Variants in PLXDC2 observed in about 807,000 individuals in gnomAD.
PLXDC2 encodes plexin domain containing 2, also known as plexin domain-containing protein 2.
In PLXDC2, 40 loss-of-function variants were observed where a neutral mutation model predicts 68.9. The observed-to-expected ratio is 0.58, with a 90% CI of 0.45 to 0.76. PLXDC2 has a LOEUF of 0.76. Among genes scored for constraint, PLXDC2 ranks in the 30% least tolerant of loss-of-function variants. The probability of loss-of-function intolerance (pLI) is 0.00; values close to 1 mark genes in which losing one functional copy is unlikely to be tolerated. For synonymous variants in PLXDC2, 243 were observed against 234.2 expected (o/e 1.04, Z -0.34); for missense variants, 644 against 661.9 (o/e 0.97, Z 0.30).
At chr10:19,986,546 AAC>A (rs1206599079) in intron 1 of PLXDC2, among the ~76,000 whole-genome samples, 32 of 123,556 alleles carry the variant, frequency 2.6e-4, no homozygotes, top group Middle Eastern at 4.4e-3. Context: ...TTAAAAAAAA[AAC>A]AAAGAAAAAG....
intron 6 of PLXDC2, among the ~76,000 whole-genome samples, chr10:20,150,367 T>G (rs1361683243): frequency 6.6e-6 from 1 of 152,160 alleles, no homozygotes; most frequent in African/African-American, 2.4e-5. Context: ...CTGGTGAGGT[T>G]GTGGAGAAAA....
Position 20,282,095 on chromosome 10 carries a change from G to T in PLXDC2, c.*2276G>T, listed in dbSNP as rs1041549. The T allele has an allele frequency of 3.9e-5, 6 of 152,082 alleles. No homozygotes were observed. The South Asian group carries it at 8.3e-4, about 21-fold the overall frequency. The allele number at this position is 152,082 out of a possible 1,614,324, so 9.4% of individuals were successfully genotyped here. A position where few individuals can be genotyped will look rare whatever the true frequency, so the allele number is the denominator to read the frequency against. ...TTGATTCAAAACAATTGATAATTCT[G>T]TAAAAAAACATAAACACTGAATTCT... On this transcript the variant is annotated 3_prime_UTR_variant, in exon 14 of 14. Transcript: ENST00000377252.
intron 10 of PLXDC2, among the ~76,000 whole-genome samples, chr10:20,216,294 T>C (rs1258726358): frequency 6.6e-6 from 1 of 152,102 alleles, no homozygotes; most frequent in Non-Finnish European, 1.5e-5. Flanking sequence ...ACTGAGCTTA[T>C]GATTTCAGAT....
In PLXDC2 at chr10:19,935,581, G is replaced by C. The variant is rs1833709076; in HGVS notation, c.113-66194G>C. Among the ~76,000 whole-genome samples, 4 of 152,156 alleles carry C rather than the reference G, an allele frequency of 2.6e-5. No individual in the cohort carries two copies. In the South Asian group the frequency reaches 8.3e-4, roughly 32 times the overall value. ...CACACATCTGGCTATTCCCATCAGT[G>C]GTTAGCAAGAGGCAAAGAGATGCTT... On this transcript the variant is annotated intron_variant, in intron 1 of 13. Coordinates refer to ENST00000377252, the MANE Select transcript of PLXDC2 (RefSeq NM_032812.9).
At chr10:20,244,826 A>G (rs1325772580) in intron 12 of PLXDC2, among the ~76,000 whole-genome samples, 1 of 152,196 alleles carries the variant, frequency 6.6e-6, no homozygotes, top group African/African-American at 2.4e-5. Context: ...TAGAAATTTT[A>G]AAACACAGGC....
chr10:19,907,393 T>C (rs1833183919), intron 1 of PLXDC2, among the ~76,000 whole-genome samples: 2 of 152,182 alleles, frequency 1.3e-5, no homozygotes, highest in Non-Finnish European at 2.9e-5. Flanking sequence ...TCTCCCCACC[T>C]TCACAGTATG....
intron 4 of PLXDC2, among the ~76,000 whole-genome samples, chr10:20,112,032 G>C (rs574804793): frequency 6.6e-6 from 1 of 152,080 alleles, no homozygotes; most frequent in African/African-American, 2.4e-5. Flanking sequence ...CTCTTACAAA[G>C]AGTCATTGTC....
At chr10:19,851,477 C>T (rs151012826) in intron 1 of PLXDC2, among the ~76,000 whole-genome samples, 98 of 152,280 alleles carry the variant, frequency 6.4e-4, no homozygotes, top group Middle Eastern at 6.8e-3. Flanking sequence ...CTGTCTTTGA[C>T]GGGGCATATG....
At chr10:20,066,017 C>T (rs576597463) in intron 3 of PLXDC2, among the ~76,000 whole-genome samples, 7 of 152,232 alleles carry the variant, frequency 4.6e-5, no homozygotes, top group South Asian at 2.1e-4. Context: ...TGATAGTGAC[C>T]GATGTTTGGA....
Position 20,260,893 on chromosome 10 carries a change from G to C in PLXDC2, c.1473+15388G>C, listed in dbSNP as rs541212048. ...TCTTTTCAATAATATTCATCCTACA[G>C]GTGTTAGGTGATTTCTCATTGTAAT... On this transcript the variant is annotated intron_variant, in intron 13 of 13. Coordinates refer to ENST00000377252, the MANE Select transcript of PLXDC2 (RefSeq NM_032812.9). Among the ~76,000 whole-genome samples the C allele has an allele frequency of 1.2e-3, 188 of 152,216 alleles. 1 individual carries two copies. The highest frequency in any genetic ancestry group is 4.0e-3 in the African/African-American group (166 of 41,522).
At position 20,016,597 on chromosome 10, in the gene PLXDC2, T is replaced by G. The variant is rs117135137; in HGVS notation, c.324+14611T>G. 5.7e-3 allele frequency among the ~76,000 whole-genome samples: 862 copies of G among 152,288 alleles called. 31 individuals are homozygous for G. In the East Asian group the frequency reaches 0.096, roughly 17 times the overall value. On this transcript the variant is annotated intron_variant, in intron 2 of 13. Transcript: ENST00000377252. Reference sequence around the variant, plus strand: ...GAAAGTAAGTTAGTTACAGAGGGAATGAGAAAGTGTTTACCTGGTGGCCAT... The same window carrying G: ...GAAAGTAAGTTAGTTACAGAGGGAAGGAGAAAGTGTTTACCTGGTGGCCAT...
At chr10:20,117,160 GT>G in intron 4 of PLXDC2, among the ~76,000 whole-genome samples, 1 of 151,818 alleles carries the variant, frequency 6.6e-6, no homozygotes, top group Non-Finnish European at 1.5e-5. Flanking sequence ...TGAACATAAA[GT>G]TTTCAATAAC....
chr10:20,079,824 C>A (rs566672073), intron 4 of PLXDC2, among the ~76,000 whole-genome samples: 4 of 152,192 alleles, frequency 2.6e-5, no homozygotes, highest in African/African-American at 9.6e-5. Context: ...AGGACAAATA[C>A]CTAATGCATA....
At chr10:20,183,382 T>G (rs1224883927) in intron 9 of PLXDC2, among the ~76,000 whole-genome samples, 1 of 151,970 alleles carries the variant, frequency 6.6e-6, no homozygotes, top group African/African-American at 2.4e-5. Context: ...AATTTTTCAT[T>G]ACATAGAATT....
At chr10:20,137,703 T>A (rs757671046) in intron 4 of PLXDC2, among the ~76,000 whole-genome samples, 65 of 152,256 alleles carry the variant, frequency 4.3e-4, no homozygotes, top group Admixed American at 5.9e-4. Context: ...AGTTGTTCTG[T>A]TCAACATCAT....
At chr10:19,845,177 C>G (rs1038863620) in intron 1 of PLXDC2, among the ~76,000 whole-genome samples, 1 of 152,110 alleles carries the variant, frequency 6.6e-6, no homozygotes, top group African/African-American at 2.4e-5. Context: ...GAAGAAGGCC[C>G]TTGCACCAAG....
At chr10:20,012,332 TTTGG>T (rs371216601) in intron 2 of PLXDC2, among the ~76,000 whole-genome samples, 13,050 of 35,740 alleles carry the variant, frequency 0.37, 3,978 homozygotes, top group Non-Finnish European at 0.47. Flanking sequence ...TTTTTTTTTT[TTTGG>T]AGAAGGAGAC....
rs115277928 is a variant in PLXDC2, at chr10:20,277,611, A to G, written c.1474-2092A>G. On this transcript the variant is annotated intron_variant, in intron 13 of 13. Transcript: ENST00000377252. ...ACATCTCCTATCTCATTATGAAAGT[A>G]TTCTAAAAAGAAAGGAGAATTTTGG... 4.6e-3 allele frequency among the ~76,000 whole-genome samples: 708 copies of G among 152,336 alleles called. 8 individuals are homozygous for G. The highest frequency in any genetic ancestry group is 0.014 in the African/African-American group (578 of 41,570).
chr10:20,003,707 A>C (rs898376778), intron 2 of PLXDC2, among the ~76,000 whole-genome samples: 2 of 152,124 alleles, frequency 1.3e-5, no homozygotes, highest in African/African-American at 4.8e-5. Flanking sequence ...GCTTGTATTA[A>C]AGTCATGAGC....
Sources: allele counts gnomAD v4.1 joint callset (sites outside exome capture counted in the v4.1 genomes callset), GRCh38; gene constraint gnomAD v4.1.1; transcripts MANE v1.5; gene names NCBI Gene and HGNC (gene_info 2026-07-23, HGNC 2026-07-21).